Variants in GSN observed in about 807,000 individuals in gnomAD.
GSN encodes the protein gelsolin.
Under a neutral mutation model 85.7 loss-of-function variants are expected in GSN, and 56 were observed. That is an observed-to-expected ratio of 0.65 (90% CI 0.53 to 0.82). The LOEUF (loss-of-function observed/expected upper bound fraction) is 0.82. Ranked by LOEUF, GSN falls within the 40% of genes least tolerant of loss-of-function variation. The pLI is 0.00. For missense variants in GSN, 857 were observed against 979.8 expected, an observed-to-expected ratio of 0.87 and a Z score of 1.67; for synonymous variants, 373 against 399.1, an observed-to-expected ratio of 0.93 and a Z score of 0.78.
At position 121,329,184 on chromosome 9, in the gene GSN, A is replaced by C; in HGVS notation, c.1888-54A>C. 2.0e-6 allele frequency: 3 copies of C among 1,491,838 alleles called. No homozygotes were observed. Among genetic ancestry groups the C allele is most frequent in the Non-Finnish European group, 2.8e-6 (3 of 1,069,412 alleles). 92.4% of individuals were successfully genotyped at this position (1,491,838 alleles called of 1,614,324 possible). ...ACTCCCTCAGGGGGCAGATAAAGGA[A>C]GGCCACCCAGGGGAGGGAAGACATC... On this transcript the variant is annotated intron_variant, in intron 15 of 17. Transcript: ENST00000432226. This position sits in a 1 kb window ranked among gnomAD's most constrained non-coding sequence, Gnocchi z 4.6.
intron 7 of GSN, 31 bp from the exon 8 acceptor site, chr9:121,317,053 CAT>C (rs1361010863): frequency 3.1e-6 from 5 of 1,613,820 alleles, no homozygotes; most frequent in Admixed American, 1.7e-5. Context: ...CACAGACACT[CAT>C]GTGCTGGTTC....
chr9:121,310,460 T>C, intron 4 of GSN: 2 of 586,776 alleles, frequency 3.4e-6, no homozygotes, highest in Admixed American at 2.6e-5. Context: ...TGTGTGGCCT[T>C]GGGCAAATTT....
chr9:121,330,213 A>G (rs1337949607), intron 16 of GSN, among the ~76,000 whole-genome samples: 1 of 152,206 alleles, frequency 6.6e-6, no homozygotes, highest in Non-Finnish European at 1.5e-5. Context: ...TGAGAATCCT[A>G]TGATGAGCAA....
intron 4 of GSN, among the ~76,000 whole-genome samples, chr9:121,220,370 T>A (rs2054147566): frequency 6.6e-6 from 1 of 152,276 alleles, no homozygotes; most frequent in Non-Finnish European, 1.5e-5. Flanking sequence ...ATTAGTATTC[T>A]TACTATTCTC....
chr9:121,327,879 C>T (rs1258205684), intron 14 of GSN, among the ~76,000 whole-genome samples: 1 of 152,176 alleles, frequency 6.6e-6, no homozygotes, highest in Non-Finnish European at 1.5e-5. Context: ...GAGGCTGAGG[C>T]AGGAGAATCA....
At chr9:121,256,159 C>T (rs913230563) in intron 6 of GSN, among the ~76,000 whole-genome samples, 23 of 151,916 alleles carry the variant, frequency 1.5e-4, no homozygotes, top group African/African-American at 4.8e-4. Flanking sequence ...CAAGTAAGAG[C>T]GGGAGGGGAA....
At chr9:121,305,430 G>A (rs983281878) in intron 4 of GSN, among the ~76,000 whole-genome samples, 5 of 152,180 alleles carry the variant, frequency 3.3e-5, no homozygotes, top group African/African-American at 1.2e-4. Flanking sequence ...CTAACAGGTA[G>A]GGTATCTGTT....
At chr9:121,227,674 C>CT in intron 4 of GSN, among the ~76,000 whole-genome samples, 1 of 152,134 alleles carries the variant, frequency 6.6e-6, no homozygotes, top group East Asian at 1.9e-4. Flanking sequence ...CAGATGTCCC[C>CT]TGGAGAACTG....
intron 2 of GSN, among the ~76,000 whole-genome samples, chr9:121,295,033 G>A (rs567082085): frequency 6.6e-5 from 10 of 152,266 alleles, no homozygotes; most frequent in African/African-American, 2.2e-4. Context: ...GAACTCTAGC[G>A]TCTCACCGTG....
Position 121,332,377 on chromosome 9 carries a change from G to A in GSN, c.2027-57G>A, listed in dbSNP as rs1272683233. On this transcript the variant is annotated intron_variant, in intron 17 of 17. Transcript: ENST00000432226. The surrounding 1 kb of genome is among the most constrained non-coding windows in gnomAD (Gnocchi z 4.8). ...TCCTGTCCTGAGTCACCCTCTCCCT[G>A]GTGTGGGAGGCACTAAGAATTCCTG... 8.9e-6 allele frequency: 13 copies of A among 1,453,358 alleles called. No individual in the cohort carries two copies. Among genetic ancestry groups the A allele is most frequent in the Admixed American group, 3.3e-5 (2 of 59,816 alleles). The allele number at this position is 1,453,358 out of a possible 1,614,324, so 90.0% of individuals were successfully genotyped here. A position where few individuals can be genotyped will look rare whatever the true frequency, so the allele number is the denominator to read the frequency against.
At chr9:121,234,595 G>A (rs1260776007) in intron 5 of GSN, among the ~76,000 whole-genome samples, 6 of 152,338 alleles carry the variant, frequency 3.9e-5, no homozygotes, top group Middle Eastern at 3.4e-3. Flanking sequence ...AGGGAGCATC[G>A]TGTGACATAC....
intron 4 of GSN, among the ~76,000 whole-genome samples, chr9:121,306,946 C>T (rs540071723): frequency 1.3e-5 from 2 of 152,220 alleles, no homozygotes; most frequent in East Asian, 1.9e-4. Context: ...TTTGGGAGGC[C>T]GAGATGGGTG....
At chr9:121,265,809 G>A (rs10818523), upstream of GSN, 57,376 of 152,092 alleles carry the variant, frequency 0.38, 13,503 homozygotes, top group South Asian at 0.6. Context: ...GGGGGGAGAA[G>A]TACAAAGAGG....
intron 12 of GSN, among the ~76,000 whole-genome samples, chr9:121,325,538 G>A (rs563367551): frequency 3.4e-4 from 52 of 152,302 alleles, no homozygotes; most frequent in African/African-American, 1.2e-3. Context: ...TGAATGATAA[G>A]TCTGAGGTGT....
intron 5 of GSN, among the ~76,000 whole-genome samples, chr9:121,234,503 G>A (rs998861649): frequency 3.9e-5 from 6 of 152,178 alleles, no homozygotes; most frequent in African/African-American, 1.4e-4. Context: ...CTGGGTCATG[G>A]GTGGGGTCTG....
intron 2 of GSN, among the ~76,000 whole-genome samples, chr9:121,288,087 T>C (rs2058331818): frequency 5.3e-5 from 8 of 152,068 alleles, no homozygotes; most frequent in African/African-American, 1.9e-4. Context: ...CCATCATGCC[T>C]GGCTAATTTT....
At chr9:121,282,290 G>T (rs748968930) in intron 2 of GSN, 1 of 600,882 alleles carries the variant, frequency 1.7e-6, no homozygotes, top group East Asian at 2.8e-5. Context: ...ATGCCAAAGG[G>T]CTTTGTGACC....
In GSN at chr9:121,286,126, G is replaced by A. The variant is rs1026257227; in HGVS notation, c.-10+4564G>A. ...GCCTGTGTCAGGAGAGGCCCACATA[G>A]CTCCCCCCAGCCTCGCGATGGCCGA... On this transcript the variant is annotated intron_variant, in intron 2 of 17. Coordinates refer to ENST00000432226, the MANE Select transcript of GSN (RefSeq NM_198252.3). 7 of 1,535,440 alleles carry A rather than the reference G, an allele frequency of 4.6e-6. No individual in the cohort carries two copies. The Admixed American group carries it at 7.8e-5, about 17-fold the overall frequency.
intron 8 of GSN, chr9:121,317,459 T>C: frequency 3.8e-6 from 2 of 525,026 alleles, no homozygotes; most frequent in Non-Finnish European, 6.9e-6. Context: ...CCAAGTGCAT[T>C]ATAACGTCAG....
Sources: gnomAD v4.1 joint callset for allele counts (sites outside exome capture counted in the v4.1 genomes callset) on GRCh38, gnomAD v4.1.1 for gene constraint, Gnocchi (gnomAD v3.1) non-coding constraint, MANE v1.5 for transcripts, NCBI Gene and HGNC (gene_info 2026-07-23, HGNC 2026-07-21) for gene names.